Variants in GRIN2A observed in about 807,000 individuals in gnomAD.
GRIN2A encodes the protein glutamate ionotropic receptor NMDA type subunit 2A.
Under a neutral mutation model 113.4 loss-of-function variants are expected in GRIN2A, and 22 were observed. The observed-to-expected ratio is 0.19, with a 90% CI of 0.14 to 0.28. The LOEUF (loss-of-function observed/expected upper bound fraction) is 0.28. GRIN2A is among the 10% of genes least tolerant of loss of function. The pLI is 1.00. For synonymous variants in GRIN2A, 827 were observed against 738.4 expected (o/e 1.12, Z -1.94); for missense variants, 1,502 against 1,887.0 (o/e 0.80, Z 3.78).
At chr16:9,928,325 A>C (rs1372933730) in intron 3 of GRIN2A, among the ~76,000 whole-genome samples, 2 of 152,188 alleles carry the variant, frequency 1.3e-5, no homozygotes, top group Non-Finnish European at 2.9e-5. Flanking sequence ...GCCTATATAT[A>C]GATAGAGGTG....
chr16:10,022,493 G>C (rs563515154), intron 2 of GRIN2A, among the ~76,000 whole-genome samples: 1 of 152,268 alleles, frequency 6.6e-6, no homozygotes, highest in East Asian at 1.9e-4. Context: ...GTCCAGCACT[G>C]ATGCTAGTTT....
rs749614491 is a variant in GRIN2A at position 10,044,005 on chromosome 16, G to GTATATATATA, written c.415-105455_415-105454insTATATATATA. The stretch of plus-strand genomic sequence containing the variant: ...TATACACATACGTGTGTGTGTGTGT[G>GTATATATATA]TGTATATATATATATATAGAGAGAG... On this transcript the variant is annotated intron_variant, in intron 2 of 12. Coordinates refer to ENST00000330684, the MANE Select transcript of GRIN2A (RefSeq NM_001134407.3). Among the ~76,000 whole-genome samples the GTATATATATA allele has an allele frequency of 3.8e-3, 382 of 99,932 alleles. 1 individual carries two copies. Among genetic ancestry groups the GTATATATATA allele is most frequent in the East Asian group, 0.028 (64 of 2,270 alleles). The allele number at this position is 99,932 out of a possible 152,430, so 65.6% of individuals were successfully genotyped here.
chr16:9,807,398 GA>G, intron 10 of GRIN2A, among the ~76,000 whole-genome samples: 1 of 99,838 alleles, frequency 1.0e-5, no homozygotes, highest in African/African-American at 3.9e-5. Context: ...GAGAGGGAGG[GA>G]GGGAGGGAGA....
intron 2 of GRIN2A, among the ~76,000 whole-genome samples, chr16:9,997,730 G>T (rs1180079153): frequency 6.6e-6 from 1 of 152,176 alleles, no homozygotes; most frequent in Non-Finnish European, 1.5e-5. Flanking sequence ...CCCAGTGGGA[G>T]GTAAGTGAAT....
chr16:10,029,474 G>A (rs775692374), intron 2 of GRIN2A, among the ~76,000 whole-genome samples: 4 of 152,226 alleles, frequency 2.6e-5, no homozygotes, highest in South Asian at 2.1e-4. Context: ...GATTAGAGGC[G>A]TAAAGGCTGC....
chr16:9,947,784 AT>A (rs138992752), intron 2 of GRIN2A, among the ~76,000 whole-genome samples: 2,994 of 144,858 alleles, frequency 0.021, 37 homozygotes, highest in Non-Finnish European at 0.025. Flanking sequence ...CCATTTTCTC[AT>A]TTTTTTTTTT....
chr16:10,044,042 GAGAGACAGAGAC>G (rs1305021906), intron 2 of GRIN2A, among the ~76,000 whole-genome samples: 14 of 145,276 alleles, frequency 9.6e-5, no homozygotes, highest in Admixed American at 2.8e-4. Flanking sequence ...GAGAGAGAGA[GAGAGACAGAGAC>G]AGAGACAGAG....
In GRIN2A at chr16:10,031,325, A is replaced by G. The variant is rs1402067399; in HGVS notation, c.415-92774T>C. On this transcript the variant is annotated intron_variant, in intron 2 of 12. Coordinates refer to ENST00000330684, the MANE Select transcript of GRIN2A (RefSeq NM_001134407.3). ...GAAAGCCCTTCCCCCAGATACTCAC[A>G]TGGGTGTCCCTTCACTTCAAATGTC... 46 of 152,168 alleles carry G rather than the reference A, an allele frequency of 3.0e-4. 1 individual carries two copies. Among genetic ancestry groups the G allele is most frequent in the Admixed American group, 3.0e-3 (46 of 15,268 alleles). 9.4% of individuals were successfully genotyped at this position (152,168 alleles called of 1,614,324 possible).
At chr16:9,955,545 A>ATATTTTGT (rs1253241789) in intron 2 of GRIN2A, among the ~76,000 whole-genome samples, 10 of 152,178 alleles carry the variant, frequency 6.6e-5, no homozygotes, top group Non-Finnish European at 1.0e-4. Flanking sequence ...TTTTGCACCA[A>ATATTTTGT]CCTAATATTT....
rs148218276 is a variant in GRIN2A at position 9,818,375 on chromosome 16, C to T, written c.2168+3889G>A. Among the ~76,000 whole-genome samples, 10 of 149,246 alleles carry T rather than the reference C, an allele frequency of 6.7e-5. No individual in the cohort carries two copies. The East Asian group carries it at 1.2e-3, about 18-fold the overall frequency. On this transcript the variant is annotated intron_variant, in intron 10 of 12. Coordinates refer to ENST00000330684, the MANE Select transcript of GRIN2A (RefSeq NM_001134407.3). ...AATGCAACCAAAAAAGAAGAAAACA[C>T]GAGGTAATTATCTTGTAATAAAGAA... is the stretch of plus-strand genomic sequence containing the variant.
At chr16:10,142,863 T>C (rs1446100113) in intron 2 of GRIN2A, among the ~76,000 whole-genome samples, 1 of 152,212 alleles carries the variant, frequency 6.6e-6, no homozygotes. Context: ...TCCAATTAGG[T>C]ATTTAATACA....
chr16:9,789,085 G>A (rs1567298044), intron 11 of GRIN2A, among the ~76,000 whole-genome samples: 1 of 152,176 alleles, frequency 6.6e-6, no homozygotes, highest in Non-Finnish European at 1.5e-5. Flanking sequence ...TAGACTAGGT[G>A]CCATCAAACT....
At chr16:10,070,280 G>A (rs369631144) in intron 2 of GRIN2A, among the ~76,000 whole-genome samples, 7 of 152,106 alleles carry the variant, frequency 4.6e-5, no homozygotes, top group Admixed American at 2.0e-4. Context: ...TACCAAGCAC[G>A]CCTCTAGCCT....
Position 10,042,520 on chromosome 16 carries a change from G to T in GRIN2A, c.415-103969C>A, listed in dbSNP as rs2141962789. Reference sequence around the variant, plus strand: ...ACCTCTGGCCAATGTACTGACCACAGCCTCACAAGAGACCCTAGGCAAGAA... The same window carrying T: ...ACCTCTGGCCAATGTACTGACCACATCCTCACAAGAGACCCTAGGCAAGAA... On this transcript the variant is annotated intron_variant, in intron 2 of 12. Transcript: ENST00000330684. Among the ~76,000 whole-genome samples the T allele has an allele frequency of 3.9e-5, 6 of 152,266 alleles. No individual in the cohort carries two copies. The Middle Eastern group carries it at 0.017, about 432-fold the overall frequency.
chr16:10,047,506 G>T (rs1172119985), intron 2 of GRIN2A, among the ~76,000 whole-genome samples: 1 of 152,194 alleles, frequency 6.6e-6, no homozygotes, highest in Non-Finnish European at 1.5e-5. Flanking sequence ...TAGGACCTCA[G>T]TTCCTGTTAA....
At chr16:9,954,772 G>A (rs967072100) in intron 2 of GRIN2A, among the ~76,000 whole-genome samples, 24 of 152,204 alleles carry the variant, frequency 1.6e-4, no homozygotes, top group East Asian at 5.8e-4. Flanking sequence ...CTCTCTACCC[G>A]GCACTCAAGT....
intron 7 of GRIN2A, among the ~76,000 whole-genome samples, chr16:9,839,481 C>T: frequency 6.6e-6 from 1 of 152,054 alleles, no homozygotes; most frequent in Non-Finnish European, 1.5e-5. Context: ...TGGGTAGTCA[C>T]ATTTAAAATA....
At chr16:10,156,632 T>C (rs1018451599) in intron 2 of GRIN2A, among the ~76,000 whole-genome samples, 1 of 152,148 alleles carries the variant, frequency 6.6e-6, no homozygotes, top group Non-Finnish European at 1.5e-5. Context: ...AAAAAAAGAC[T>C]GAGTGCATAG....
intron 2 of GRIN2A, among the ~76,000 whole-genome samples, chr16:10,046,540 G>A (rs184241243): frequency 1.6e-4 from 25 of 151,986 alleles, no homozygotes; most frequent in East Asian, 9.7e-4. Flanking sequence ...TGCTTCTCTC[G>A]CTTATTAGTA....
Sources: gnomAD v4.1 joint callset for allele counts (sites outside exome capture counted in the v4.1 genomes callset) on GRCh38, gnomAD v4.1.1 for gene constraint, MANE v1.5 for transcripts, NCBI Gene and HGNC (gene_info 2026-07-23, HGNC 2026-07-21) for gene names.